SNX29: variants seen among roughly 807,000 people sequenced by gnomAD.
SNX29 encodes the protein sorting nexin-29.
In SNX29, 78 loss-of-function variants were observed where a neutral mutation model predicts 102.1. That is an observed-to-expected ratio of 0.76 (90% confidence interval 0.64 to 0.92). SNX29 has a LOEUF of 0.92. SNX29 is among the 40% of genes least tolerant of loss of function. The pLI, the probability that SNX29 is intolerant of heterozygous loss-of-function variation, is 0.00. For synonymous variants in SNX29, 580 were observed against 414.5 expected, an observed-to-expected ratio of 1.40 and a Z score of -4.85; for missense variants, 1,280 against 1,061.7, an observed-to-expected ratio of 1.21 and a Z score of -2.86.
rs149189156 is a variant in SNX29, at chr16:12,019,854, C to G, written c.123-7466C>G. On this transcript the variant is annotated intron_variant, in intron 3 of 20. Transcript: ENST00000566228. ...ATTTCACCATTTTAGCCAGGCTGGT[C>G]TCAAACTCCTGACCTCAGGTGATCT... Among the ~76,000 whole-genome samples, 1,135 of 151,928 alleles carry G rather than the reference C, an allele frequency of 7.5e-3. 9 individuals are homozygous for G. Among genetic ancestry groups the G allele is most frequent in the African/African-American group, 0.026 (1,066 of 41,460 alleles).
intron 18 of SNX29, among the ~76,000 whole-genome samples, chr16:12,475,415 C>A (rs956262354): frequency 6.6e-6 from 1 of 152,146 alleles, no homozygotes; most frequent in African/African-American, 2.4e-5. Context: ...TTTGTAAAGG[C>A]CAGAAAAAAT....
chr16:12,210,291 G>A (rs118091973), intron 14 of SNX29, among the ~76,000 whole-genome samples: 2,735 of 150,306 alleles, frequency 0.018, 36 homozygotes, highest in Middle Eastern at 0.028. Context: ...GGGGCTCCTC[G>A]TTTTGCACTC....
chr16:12,110,552 G>C (rs538305692), intron 11 of SNX29, among the ~76,000 whole-genome samples: 4 of 152,174 alleles, frequency 2.6e-5, no homozygotes, highest in East Asian at 1.9e-4. Context: ...GGAAGAGCAG[G>C]TGTGGTGGCT....
At chr16:12,486,601 A>C (rs1286682069) in intron 19 of SNX29, among the ~76,000 whole-genome samples, 2 of 152,256 alleles carry the variant, frequency 1.3e-5, no homozygotes, top group Non-Finnish European at 2.9e-5. Flanking sequence ...CTCTGTGAGC[A>C]CAGCCTATCC....
chr16:12,495,620 C>T (rs1031354331), intron 19 of SNX29, among the ~76,000 whole-genome samples: 5 of 152,178 alleles, frequency 3.3e-5, no homozygotes, highest in African/African-American at 9.7e-5. Flanking sequence ...GTGTGCTGGC[C>T]GGCGGAGCCA....
At chr16:12,357,363 A>G (rs776660679) in intron 16 of SNX29, among the ~76,000 whole-genome samples, 1 of 152,174 alleles carries the variant, frequency 6.6e-6, no homozygotes, top group East Asian at 1.9e-4. Context: ...CAATATCCTT[A>G]TCACCCCCAT....
chr16:12,502,406 G>A (rs927839768), intron 19 of SNX29, among the ~76,000 whole-genome samples: 117 of 152,312 alleles, frequency 7.7e-4, no homozygotes, highest in African/African-American at 2.3e-3. Context: ...ATGTGGCCGG[G>A]CCCACAGGGA....
In SNX29 at chr16:11,976,824, G is replaced by T; in HGVS notation, c.7+11G>T. 1 of 1,373,392 alleles carries T rather than the reference G, an allele frequency of 7.3e-7. No individual in the cohort carries two copies. Among genetic ancestry groups the T allele is most frequent in the East Asian group, 3.1e-5 (1 of 32,484 alleles). 85.1% of individuals were successfully genotyped at this position (1,373,392 alleles called of 1,614,324 possible). ...GAGGCACCATGAGCGGTGAGTGGCG[G>T]CCCCGCCGCTGTCACCTGCCCCGGC... On this transcript the variant is annotated intron_variant, in intron 1 of 20. Coordinates refer to ENST00000566228, the MANE Select transcript of SNX29 (RefSeq NM_032167.5).
intron 18 of SNX29, among the ~76,000 whole-genome samples, chr16:12,406,950 C>A (rs993731702): frequency 1.3e-5 from 2 of 152,178 alleles, no homozygotes; most frequent in African/African-American, 2.4e-5. Flanking sequence ...TCCTCAGTTG[C>A]ACCACATTTC....
intron 19 of SNX29, among the ~76,000 whole-genome samples, chr16:12,488,506 T>G (rs2088368255): frequency 1.3e-5 from 2 of 152,194 alleles, no homozygotes; most frequent in Admixed American, 6.5e-5. Context: ...TACTTGAGTC[T>G]TTGCCTTCTT....
chr16:11,986,209 T>C (rs560372327), intron 1 of SNX29, among the ~76,000 whole-genome samples: 1 of 152,076 alleles, frequency 6.6e-6, no homozygotes, highest in Admixed American at 6.6e-5. Context: ...TTCCTTGCCC[T>C]GACTTTTTGC....
intron 13 of SNX29, among the ~76,000 whole-genome samples, chr16:12,180,185 A>C (rs2076350716): frequency 6.6e-6 from 1 of 152,104 alleles, no homozygotes; most frequent in African/African-American, 2.4e-5. Flanking sequence ...TTTTCTAAAA[A>C]AAACAAACAA....
chr16:12,234,618 T>G (rs1444026119), intron 14 of SNX29, among the ~76,000 whole-genome samples: 2 of 152,202 alleles, frequency 1.3e-5, no homozygotes, highest in African/African-American at 4.8e-5. Flanking sequence ...TGGCATCATA[T>G]CTAAGTTTGT....
chr16:12,243,422 T>C (rs1447469447), intron 14 of SNX29, among the ~76,000 whole-genome samples: 1 of 152,236 alleles, frequency 6.6e-6, no homozygotes, highest in Non-Finnish European at 1.5e-5. Flanking sequence ...AAGTATTTGA[T>C]GTCTCTATGA....
chr16:12,474,489 G>C (rs918957586), intron 18 of SNX29, among the ~76,000 whole-genome samples: 2 of 152,168 alleles, frequency 1.3e-5, no homozygotes, highest in Admixed American at 1.3e-4. Context: ...GGCAGGAGAG[G>C]AGGTGCCCAT....
At chr16:12,232,938 C>T (rs2077814397) in intron 14 of SNX29, among the ~76,000 whole-genome samples, 1 of 152,176 alleles carries the variant, frequency 6.6e-6, no homozygotes, top group African/African-American at 2.4e-5. Flanking sequence ...AGGTGGTCCA[C>T]CCGGAACTTG....
intron 15 of SNX29, among the ~76,000 whole-genome samples, chr16:12,288,822 G>A (rs1046252723): frequency 2.6e-5 from 4 of 152,210 alleles, no homozygotes; most frequent in East Asian, 3.9e-4. Flanking sequence ...TGATGAAGCC[G>A]AGGCTTGGAA....
rs531600030 is a variant in SNX29, at chr16:12,121,191, G to C, written c.1403-5442G>C. On this transcript the variant is annotated intron_variant, in intron 11 of 20. Coordinates refer to ENST00000566228, the MANE Select transcript of SNX29 (RefSeq NM_032167.5). ...CTTGGGGGTGGGGCTTTGGTGGGCAGAGGTGCAGATGGGCACCTCTAGCCC... is the reference window on the plus strand; with the variant it reads ...CTTGGGGGTGGGGCTTTGGTGGGCACAGGTGCAGATGGGCACCTCTAGCCC... 3.9e-5 allele frequency among the ~76,000 whole-genome samples: 6 copies of C among 152,368 alleles called. No homozygotes were observed. In the East Asian group the frequency reaches 1.2e-3, roughly 29 times the overall value.
At chr16:12,413,625 TTCAGTGG>T (rs1381870347) in intron 18 of SNX29, among the ~76,000 whole-genome samples, 1 of 152,060 alleles carries the variant, frequency 6.6e-6, no homozygotes, top group African/African-American at 2.4e-5. Flanking sequence ...GACGTGAGTG[TTCAGTGG>T]TACGCTGCTG....
Sources: gnomAD v4.1 joint callset for allele counts (sites outside exome capture counted in the v4.1 genomes callset) on GRCh38, gnomAD v4.1.1 for gene constraint, MANE v1.5 for transcripts, NCBI Gene and HGNC (gene_info 2026-07-23, HGNC 2026-07-21) for gene names.